Variants in MGST1 observed in about 807,000 individuals in gnomAD.
MGST1 encodes the protein microsomal glutathione S-transferase 1, also known as glutathione S-transferase 12.
Under a neutral mutation model 8.9 loss-of-function variants are expected in MGST1, and 5 were observed. The ratio of observed to expected loss-of-function variants is 0.56; its 90% confidence interval spans 0.29 to 1.19. The LOEUF (loss-of-function observed/expected upper bound fraction) is 1.19. MGST1 is among the 50% of genes most tolerant of loss of function. The probability of loss-of-function intolerance (pLI) is 0.08; values close to 1 mark genes in which losing one functional copy is unlikely to be tolerated. For missense variants in MGST1, 182 were observed against 187.4 expected (o/e 0.97, Z 0.17); for synonymous variants, 54 against 67.8 (o/e 0.80, Z 1.00).
chr12:16,503,074 C>T lies in MGST1; in HGVS notation n.483-86454C>T, dbSNP rs566978887. Among the ~76,000 whole-genome samples the T allele has an allele frequency of 6.6e-6, 1 of 152,182 alleles. No homozygotes were observed. Among genetic ancestry groups the T allele is most frequent in the South Asian group, 2.1e-4 (1 of 4,814 alleles). On this transcript the variant is annotated intron_variant and non_coding_transcript_variant, in intron 4 of 4. Coordinates refer to the MGST1 transcript ENST00000538857. This position sits in a 1 kb window ranked among gnomAD's most constrained non-coding sequence, Gnocchi z 4.8. The stretch of plus-strand genomic sequence containing the variant: ...ATACAATCTCTGAGGGTGGAAGATG[C>T]AGGGTGAGGTTTCAGCGGATGGTGT...
At position 16,546,321 on chromosome 12, in the gene MGST1, T is replaced by C. The variant is rs1462481969; in HGVS notation, n.483-43207T>C. On this transcript the variant is annotated intron_variant and non_coding_transcript_variant, in intron 4 of 4. Transcript: ENST00000538857. This position sits in a 1 kb window ranked among gnomAD's most constrained non-coding sequence, Gnocchi z 4.7. The stretch of plus-strand genomic sequence containing the variant: ...TGTACTATGGCCACTAAATTTGGTA[T>C]AGTTAATGCCAACCACTTTGCCCGT... 6.6e-6 allele frequency among the ~76,000 whole-genome samples: 1 copy of C among 152,158 alleles called. No homozygotes were observed. The highest frequency in any genetic ancestry group is 2.4e-5 in the African/African-American group (1 of 41,454).
chr12:16,561,921 G>A (rs981774681), intron 4 of MGST1, among the ~76,000 whole-genome samples: 70 of 152,132 alleles, frequency 4.6e-4, no homozygotes, highest in African/African-American at 1.5e-3. Flanking sequence ...AAAAGTAAGC[G>A]AAGTTTACAT....
chr12:16,386,702 C>A lies in MGST1; in HGVS notation n.778+3098C>A, dbSNP rs147967168. On this transcript the variant is annotated intron_variant and non_coding_transcript_variant, in intron 1 of 1. Coordinates refer to the MGST1 transcript ENST00000359720. ...ACCCAAACTGTGTACAGTAGGCCCC[C>A]TTTGTCTCAGTTTTCCTTTCTGCAA... Among the ~76,000 whole-genome samples, 4 of 152,306 alleles carry A rather than the reference C, an allele frequency of 2.6e-5. No individual in the cohort carries two copies. The East Asian group carries it at 7.7e-4, about 29-fold the overall frequency.
chr12:16,511,440 T>C (rs1941577036), intron 4 of MGST1, among the ~76,000 whole-genome samples: 1 of 152,250 alleles, frequency 6.6e-6, no homozygotes, highest in Admixed American at 6.5e-5. Context: ...TTTCTTTTTT[T>C]GCTTTCAAGG....
chr12:16,364,889 C>T (rs934923225), downstream of MGST1, among the ~76,000 whole-genome samples: 1 of 151,950 alleles, frequency 6.6e-6, no homozygotes, highest in African/African-American at 2.4e-5. The surrounding 1 kb of genome is among the most constrained non-coding windows in gnomAD (Gnocchi z 5.7). Flanking sequence ...TTTGTATAAC[C>T]TTGACATTTT....
downstream of MGST1, among the ~76,000 whole-genome samples, chr12:16,443,434 C>G (rs950246855): frequency 4.2e-4 from 63 of 151,478 alleles, no homozygotes; most frequent in African/African-American, 1.5e-3. Flanking sequence ...TCTTTTTTTC[C>G]TGCTCTGTTG....
chr12:16,544,263 C>CACACACAAAA lies in MGST1; in HGVS notation n.483-45264_483-45263insCACACAAAAA, dbSNP rs1167716111. ...ACACACACACACACACACACACACA[C>CACACACAAAA]AAAACATAACCTACTAGTCAATCTG... On this transcript the variant is annotated intron_variant and non_coding_transcript_variant, in intron 4 of 4. Coordinates refer to the MGST1 transcript ENST00000538857. The surrounding 1 kb of genome is among the most constrained non-coding windows in gnomAD (Gnocchi z 4.8). Among the ~76,000 whole-genome samples, 1 of 147,484 alleles carries CACACACAAAA rather than the reference C, an allele frequency of 6.8e-6. No individual in the cohort carries two copies. Among genetic ancestry groups the CACACACAAAA allele is most frequent in the African/African-American group, 2.5e-5 (1 of 40,016 alleles).
chr12:16,365,366 GT>G (rs200888690), downstream of MGST1, among the ~76,000 whole-genome samples: 2,130 of 152,070 alleles, frequency 0.014, 55 homozygotes, highest in African/African-American at 0.049. Flanking sequence ...ATTTATATTA[GT>G]TTTTGATTTT....
At chr12:16,465,797 A>G (rs535562014) in intron 4 of MGST1, among the ~76,000 whole-genome samples, 23 of 152,276 alleles carry the variant, frequency 1.5e-4, no homozygotes, top group African/African-American at 4.3e-4. Flanking sequence ...ATCTGTGGAA[A>G]AATTGTCTTC....
At chr12:16,551,589 C>G (rs726261) in intron 4 of MGST1, among the ~76,000 whole-genome samples, 31,784 of 148,382 alleles carry the variant, frequency 0.21, 3,418 homozygotes, top group African/African-American at 0.26. Context: ...CCAAAGATGA[C>G]TTGCTTTTTT....
chr12:16,558,761 C>T (rs1437353971), intron 4 of MGST1, among the ~76,000 whole-genome samples: 1 of 152,100 alleles, frequency 6.6e-6, no homozygotes, highest in Non-Finnish European at 1.5e-5. Context: ...TATTGTGATA[C>T]ATGCCTTGTG....
rs1941066894 is a variant in MGST1, at chr12:16,444,851, G to C, written n.482+61247G>C. ...TCTAACAGAAGTGAGCTCGTGGACA[G>C]TTTCAGACAGACTCATGGTTAAGGC... On this transcript the variant is annotated intron_variant and non_coding_transcript_variant, in intron 4 of 4. Transcript: ENST00000538857. Among the ~76,000 whole-genome samples, 3 of 151,864 alleles carry C rather than the reference G, an allele frequency of 2.0e-5. No homozygotes were observed. In the South Asian group the frequency reaches 6.2e-4, roughly 31 times the overall value.
chr12:16,557,823 C>G (rs527490662), intron 4 of MGST1, among the ~76,000 whole-genome samples: 5 of 151,982 alleles, frequency 3.3e-5, no homozygotes, highest in Non-Finnish European at 7.4e-5. Context: ...GTAACATACT[C>G]AAGATCACAC....
chr12:16,569,228 T>C (rs1366496152), intron 4 of MGST1, among the ~76,000 whole-genome samples: 1 of 152,198 alleles, frequency 6.6e-6, no homozygotes. Flanking sequence ...CACAATTATT[T>C]AGTGTCAGAG....
intron 4 of MGST1, among the ~76,000 whole-genome samples, chr12:16,566,810 A>G (rs1942630656): frequency 6.6e-6 from 1 of 152,206 alleles, no homozygotes; most frequent in Non-Finnish European, 1.5e-5. Context: ...CTCTCTCCAA[A>G]CATGCACATA....
chr12:16,480,901 C>T (rs551175752), intron 4 of MGST1, among the ~76,000 whole-genome samples: 1 of 152,190 alleles, frequency 6.6e-6, no homozygotes, highest in East Asian at 1.9e-4. Flanking sequence ...GAGCCTGTCT[C>T]TACCAAAACA....
chr12:16,583,791 G>A (rs1448224528), intron 4 of MGST1, among the ~76,000 whole-genome samples: 1 of 152,168 alleles, frequency 6.6e-6, no homozygotes, highest in Non-Finnish European at 1.5e-5. Flanking sequence ...ACAGGCATGG[G>A]AGGAGACACA....
intron 4 of MGST1, among the ~76,000 whole-genome samples, chr12:16,568,666 T>C (rs547702214): frequency 7.2e-5 from 11 of 152,350 alleles, no homozygotes; most frequent in South Asian, 2.1e-4. Flanking sequence ...TTTGGATACA[T>C]TGCATTAAAT....
chr12:16,591,983 A>T (rs2137629767), downstream of MGST1, among the ~76,000 whole-genome samples: 1 of 152,152 alleles, frequency 6.6e-6, no homozygotes, highest in African/African-American at 2.4e-5. This position sits in a 1 kb window ranked among gnomAD's most constrained non-coding sequence, Gnocchi z 4.1. Flanking sequence ...TAGTTATTTG[A>T]CAATAATAGT....
Sources: gnomAD v4.1 joint callset for allele counts (sites outside exome capture counted in the v4.1 genomes callset) on GRCh38, gnomAD v4.1.1 for gene constraint, Gnocchi (gnomAD v3.1) non-coding constraint, MANE v1.5 for transcripts, NCBI Gene and HGNC (gene_info 2026-07-23, HGNC 2026-07-21) for gene names.